The following RBFOX1 variants were observed in gnomAD, a reference collection of about 807,000 sequenced individuals.
RBFOX1 encodes the protein RNA binding protein fox-1 homolog 1.
Under a neutral mutation model 57.7 loss-of-function variants are expected in RBFOX1, and 8 were observed. The observed-to-expected ratio is 0.14, with a 90% CI of 0.08 to 0.25. The LOEUF is 0.25. Ranked by LOEUF, RBFOX1 falls within the 10% of genes least tolerant of loss-of-function variation. The pLI is 1.00. For synonymous variants in RBFOX1, 326 were observed against 222.4 expected (o/e 1.47, Z -4.15); for missense variants, 611 against 548.5 (o/e 1.11, Z -1.14).
At chr16:7,087,630 T>C (rs2060193317) in intron 4 of RBFOX1, among the ~76,000 whole-genome samples, 1 of 151,768 alleles carries the variant, frequency 6.6e-6, no homozygotes, top group African/African-American at 2.4e-5. Context: ...CAGAAGCAAG[T>C]CACATCACAT....
chr16:5,683,285 A>C (rs537522748), intron 3 of RBFOX1, among the ~76,000 whole-genome samples: 1 of 152,242 alleles, frequency 6.6e-6, no homozygotes, highest in South Asian at 2.1e-4. Flanking sequence ...TTCCTTGCCA[A>C]TGCCCAGGTT....
At chr16:7,024,971 G>C (rs1372712104) in intron 3 of RBFOX1, among the ~76,000 whole-genome samples, 1 of 152,104 alleles carries the variant, frequency 6.6e-6, no homozygotes, top group Non-Finnish European at 1.5e-5. Context: ...CCACACACCA[G>C]GCAAGAAGCA....
intron 4 of RBFOX1, among the ~76,000 whole-genome samples, chr16:7,082,859 T>C: frequency 6.6e-6 from 1 of 152,206 alleles, no homozygotes; most frequent in South Asian, 2.1e-4. Flanking sequence ...TTGTGTTGAG[T>C]TGATAACTGA....
At chr16:6,576,803 C>G (rs947650624) in intron 2 of RBFOX1, 3 of 152,120 alleles carry the variant, frequency 2.0e-5, no homozygotes, top group Admixed American at 6.5e-5. Context: ...GGGTGTTAAG[C>G]CAAGGCAAAG....
intron 4 of RBFOX1, among the ~76,000 whole-genome samples, chr16:7,240,273 A>G (rs550140775): frequency 1.3e-5 from 2 of 152,184 alleles, no homozygotes; most frequent in South Asian, 2.1e-4. Context: ...TGCCGAATCT[A>G]TAAGATTTAA....
chr16:5,942,549 G>A (rs150978936), intron 4 of RBFOX1, among the ~76,000 whole-genome samples: 93 of 152,256 alleles, frequency 6.1e-4, no homozygotes, highest in African/African-American at 1.8e-3. Context: ...GCTGGTTATC[G>A]TTTAATTATG....
At position 5,755,999 on chromosome 16, in the gene RBFOX1, T is replaced by G. The variant is rs1287877426; in HGVS notation, c.319-111304T>G. On this transcript the variant is annotated intron_variant, in intron 3 of 19. Coordinates refer to the RBFOX1 transcript ENST00000641259. ...CAGTTTGAAAAGACCTCAGAGGTCA[T>G]GGTGAAAGTTTGGATTTCATATTTG... is the stretch of plus-strand genomic sequence containing the variant. Among the ~76,000 whole-genome samples the G allele has an allele frequency of 2.0e-5, 3 of 152,026 alleles. No individual in the cohort carries two copies. The South Asian group carries it at 6.2e-4, about 31-fold the overall frequency.
intron 1 of RBFOX1, among the ~76,000 whole-genome samples, chr16:5,425,855 A>G (rs923163289): frequency 6.6e-6 from 1 of 152,138 alleles, no homozygotes; most frequent in East Asian, 1.9e-4. Context: ...CTTAGAGGTA[A>G]GCTTTCTGCT....
At chr16:6,214,629 CAGGGAG>C (rs1196664667) in intron 1 of RBFOX1, among the ~76,000 whole-genome samples, 2 of 63,022 alleles carry the variant, frequency 3.2e-5, no homozygotes, top group African/African-American at 1.3e-4. Flanking sequence ...GGGAGAAAGA[CAGGGAG>C]AGGGAGAGGG....
At chr16:6,223,143 T>C (rs2097388705) in intron 1 of RBFOX1, among the ~76,000 whole-genome samples, 1 of 150,690 alleles carries the variant, frequency 6.6e-6, no homozygotes, top group Non-Finnish European at 1.5e-5. Context: ...CTATTGTGGA[T>C]AGTGCCACAA....
intron 4 of RBFOX1, among the ~76,000 whole-genome samples, chr16:7,344,126 T>A (rs897858724): frequency 1.4e-5 from 2 of 146,326 alleles, no homozygotes; most frequent in African/African-American, 5.1e-5. Context: ...TTTTTTTTTT[T>A]AACTCCTAAG....
intron 4 of RBFOX1, among the ~76,000 whole-genome samples, chr16:7,506,489 C>G (rs144353974): frequency 6.6e-6 from 1 of 152,072 alleles, no homozygotes; most frequent in Non-Finnish European, 1.5e-5. Flanking sequence ...GTGCTTAGAA[C>G]AATAATCAGT....
intron 3 of RBFOX1, among the ~76,000 whole-genome samples, chr16:6,764,356 T>C (rs905418697): frequency 6.6e-6 from 1 of 152,170 alleles, no homozygotes; most frequent in African/African-American, 2.4e-5. Flanking sequence ...ACCTGAAATA[T>C]TTTCAGTCCT....
intron 4 of RBFOX1, among the ~76,000 whole-genome samples, chr16:7,188,377 G>T (rs181139034): frequency 6.6e-6 from 1 of 152,168 alleles, no homozygotes; most frequent in Non-Finnish European, 1.5e-5. Context: ...TCTGAATGGG[G>T]TTTTATGAAA....
At chr16:6,859,167 A>ATATATATATGTATATATATGCG (rs1567593244) in intron 3 of RBFOX1, among the ~76,000 whole-genome samples, 1 of 73,722 alleles carries the variant, frequency 1.4e-5, no homozygotes, top group African/African-American at 6.8e-5. Context: ...ATATATACGT[A>ATATATATATGTATATATATGCG]TATATATGTA....
intron 5 of RBFOX1, among the ~76,000 whole-genome samples, chr16:7,545,339 G>T (rs536559155): frequency 4.6e-5 from 7 of 151,914 alleles, no homozygotes; most frequent in African/African-American, 1.2e-4. Context: ...TGGCGGCATT[G>T]TTTGCAATCC....
chr16:5,327,304 C>A (rs546221970), intron 1 of RBFOX1, among the ~76,000 whole-genome samples: 1 of 152,086 alleles, frequency 6.6e-6, no homozygotes, highest in African/African-American at 2.4e-5. Context: ...GAGTCTGTAT[C>A]CCTGGAGAGA....
chr16:6,824,536 A>G (rs2091848201), intron 3 of RBFOX1, among the ~76,000 whole-genome samples: 1 of 152,146 alleles, frequency 6.6e-6, no homozygotes, highest in South Asian at 2.1e-4. Flanking sequence ...TGTTGAGTAT[A>G]TCTCCTATTT....
At chr16:7,696,778 T>C (rs1398016659) in intron 14 of RBFOX1, among the ~76,000 whole-genome samples, 1 of 152,080 alleles carries the variant, frequency 6.6e-6, no homozygotes, top group Non-Finnish European at 1.5e-5. Flanking sequence ...TAAGGTGCAA[T>C]GCTATTTTAG....
Sources: allele counts gnomAD v4.1 joint callset (sites outside exome capture counted in the v4.1 genomes callset), GRCh38; gene constraint gnomAD v4.1.1; transcripts MANE v1.5; gene names NCBI Gene and HGNC (gene_info 2026-07-23, HGNC 2026-07-21).